RIPOR3: variants seen among roughly 807,000 people sequenced by gnomAD.
RIPOR3 encodes RIPOR family member 3.
RIPOR3 carries 95 observed loss-of-function variants against 114.3 expected under a neutral mutation model. That is an observed-to-expected ratio of 0.83 (90% CI 0.70 to 0.99). RIPOR3 has a LOEUF of 0.99. RIPOR3 is among the 50% of genes least tolerant of loss of function. The probability of loss-of-function intolerance (pLI) is 0.00; values close to 1 mark genes in which losing one functional copy is unlikely to be tolerated. For missense variants in RIPOR3, 1,252 were observed against 1,266.9 expected (o/e 0.99, Z 0.18); for synonymous variants, 575 against 543.8 (o/e 1.06, Z -0.80).
Position 50,691,195 on chromosome 20 carries a change from G to A in RIPOR3, c.-67C>T, listed in dbSNP as rs576359080. On this transcript the variant is annotated 5_prime_UTR_variant, in exon 1 of 22. An upstream open reading frame in the 5' UTR gains an earlier in-frame stop. Coordinates refer to ENST00000327979, the MANE Select transcript of RIPOR3 (RefSeq NM_001290268.2). ...TTGCAGCTGCCTCACTTTCCCTATT[G>A]CCGCCAGCAAGCGTCTGCTCCCATC... The A allele has an allele frequency of 7.8e-6, 10 of 1,289,272 alleles. No individual in the cohort carries two copies. The East Asian group carries it at 5.5e-4, about 72-fold the overall frequency. The allele number at this position is 1,289,272 out of a possible 1,614,324, so 79.9% of individuals were successfully genotyped here. A position where few individuals can be genotyped will look rare whatever the true frequency, so the allele number is the denominator to read the frequency against.
chr20:50,690,088 A>G (rs2087157266), intron 1 of RIPOR3, among the ~76,000 whole-genome samples: 1 of 152,174 alleles, frequency 6.6e-6, no homozygotes, highest in African/African-American at 2.4e-5. Flanking sequence ...AGGGATATAT[A>G]TGCAAATAGC....
chr20:50,666,609 G>A (rs921048773), intron 1 of RIPOR3, among the ~76,000 whole-genome samples: 1 of 151,358 alleles, frequency 6.6e-6, no homozygotes, highest in Non-Finnish European at 1.5e-5. Flanking sequence ...CTGTTGCCTA[G>A]GCTGGAGTGC....
rs2083342534 is a variant in RIPOR3, at chr20:50,597,653, C to T, written c.1717G>A (p.Glu573Lys). 1 of 1,612,232 alleles carries T rather than the reference C, an allele frequency of 6.2e-7. No homozygotes were observed. The highest frequency in any genetic ancestry group is 8.5e-7 in the Non-Finnish European group (1 of 1,179,202). ...TCGGCATTGAGGAAGGCGAAGCTCT[C>T]CAGGATGCACTCCATCAGGCTCTCG... ...SAESLMECIL[E>K]SFAFLNADFA... is the part of the protein sequence containing the mutation. Residue 573 changes from glutamate (E) to lysine (K), a missense_variant, in exon 14 of 22, where the codon GAG becomes AAG. Glu to Lys is a moderately conservative substitution (Grantham distance 56). Transcript: ENST00000327979.
At chr20:50,673,795 G>A (rs1488541863) in intron 1 of RIPOR3, among the ~76,000 whole-genome samples, 2 of 152,212 alleles carry the variant, frequency 1.3e-5, no homozygotes, top group Non-Finnish European at 2.9e-5. Context: ...CCTTCGCCAG[G>A]CCCGGCCTGG....
At chr20:50,689,522 T>C (rs2087137745) in intron 1 of RIPOR3, among the ~76,000 whole-genome samples, 1 of 152,168 alleles carries the variant, frequency 6.6e-6, no homozygotes, top group Admixed American at 6.6e-5. Flanking sequence ...TCTCAGACGC[T>C]TAAGTTCTCA....
intron 2 of RIPOR3, among the ~76,000 whole-genome samples, chr20:50,626,852 T>C (rs2123217523): frequency 6.6e-6 from 1 of 151,882 alleles, no homozygotes; most frequent in South Asian, 2.1e-4. Flanking sequence ...TGAAACCCTG[T>C]CTCTACTAAA....
In RIPOR3 at chr20:50,634,839, C is replaced by T. The variant is rs568622799; in HGVS notation, c.4-3983G>A. On this transcript the variant is annotated intron_variant, in intron 1 of 21. Coordinates refer to ENST00000327979, the MANE Select transcript of RIPOR3 (RefSeq NM_001290268.2). ...CCTGAGGTCAAGAATTCAAGATCAGCCTGGACAACATGGTGAAACCCTGTC... is the reference window on the plus strand; with the variant it reads ...CCTGAGGTCAAGAATTCAAGATCAGTCTGGACAACATGGTGAAACCCTGTC... Among the ~76,000 whole-genome samples the T allele has an allele frequency of 2.4e-4, 36 of 152,310 alleles. No individual in the cohort carries two copies. The East Asian group carries it at 6.9e-3, about 29-fold the overall frequency.
chr20:50,665,148 T>C (rs1319385771), intron 1 of RIPOR3, among the ~76,000 whole-genome samples: 2 of 150,650 alleles, frequency 1.3e-5, no homozygotes, highest in African/African-American at 2.4e-5. Flanking sequence ...AAAAACCCCA[T>C]GGTGCTGGCC....
chr20:50,651,391 G>A (rs547677550), intron 1 of RIPOR3, among the ~76,000 whole-genome samples: 1 of 152,280 alleles, frequency 6.6e-6, no homozygotes, highest in East Asian at 1.9e-4. Context: ...GCCAGACTCT[G>A]GACCAACACA....
intron 4 of RIPOR3, among the ~76,000 whole-genome samples, chr20:50,613,439 C>T (rs961482897): frequency 1.3e-5 from 2 of 151,240 alleles, no homozygotes; most frequent in African/African-American, 2.4e-5. Context: ...GGTGACAGAG[C>T]GAGAATCCAT....
At position 50,592,500 on chromosome 20, in the gene RIPOR3, G is replaced by T; in HGVS notation, c.2421C>A (p.Val807=). 6.2e-7 allele frequency: 1 copy of T among 1,610,480 alleles called. No homozygotes were observed. Among genetic ancestry groups the T allele is most frequent in the Non-Finnish European group, 8.5e-7 (1 of 1,178,548 alleles). ...CCAGCCGCTTCCCCTGCAGCTTCCG[G>T]ACCACCTTGGCCTGTCCCGCACAGT... ...ELHCAGQAKV[V]RKLQGKRLGQ... The change falls in exon 19 of 22, where the codon GTC becomes GTA. Residue 807 remains valine, a synonymous_variant. Transcript: ENST00000327979.
chr20:50,645,998 T>C (rs544094960), intron 1 of RIPOR3: 1 of 152,338 alleles, frequency 6.6e-6, no homozygotes, highest in African/African-American at 2.4e-5. Context: ...AGGGAGACTG[T>C]TCCAGGCACT....
intron 19 of RIPOR3, among the ~76,000 whole-genome samples, chr20:50,591,046 A>G (rs1346193742): frequency 6.6e-6 from 1 of 152,196 alleles, no homozygotes; most frequent in Non-Finnish European, 1.5e-5. Flanking sequence ...ACTTCCTGCA[A>G]GCAGCAAAGT....
chr20:50,666,226 T>TCTCTTCTCCTCTCTTC (rs1555873214), intron 1 of RIPOR3, among the ~76,000 whole-genome samples: 1 of 139,742 alleles, frequency 7.2e-6, no homozygotes. Flanking sequence ...TCTTTTCTTT[T>TCTCTTCTCCTCTCTTC]TTGAGACGGA....
In RIPOR3 at chr20:50,594,488, G is replaced by A. The variant is rs561579115; in HGVS notation, c.2212+65C>T. The A allele has an allele frequency of 1.9e-6, 3 of 1,554,074 alleles. No individual in the cohort carries two copies. The South Asian group carries it at 3.6e-5, about 19-fold the overall frequency. On this transcript the variant is annotated intron_variant, in intron 17 of 21. Transcript: ENST00000327979. ...AAATGAGGCCAGCTGTGGCCACCCT[G>A]AAGGCCCTGGAGACTCAATACAGCC...
intron 4 of RIPOR3, 32 bp downstream of exon 4, chr20:50,615,970 C>G (rs2084157754): frequency 2.5e-6 from 4 of 1,585,368 alleles, no homozygotes; most frequent in Admixed American, 1.8e-5. Flanking sequence ...CCAAGGCTAT[C>G]TGGGTGGGAA....
chr20:50,602,909 T>C lies in RIPOR3; in HGVS notation c.1087-265A>G, dbSNP rs891705285. Among the ~76,000 whole-genome samples, 1 of 152,186 alleles carries C rather than the reference T, an allele frequency of 6.6e-6. No homozygotes were observed. The highest frequency in any genetic ancestry group is 2.4e-5 in the African/African-American group (1 of 41,466). ...CATGCCCTGTGGGCTGGGCCCCACG[T>C]TCCTGCCTCAGGGCCTTTGCACTGA... On this transcript the variant is annotated intron_variant, in intron 12 of 21. Transcript: ENST00000327979. This position sits in a 1 kb window ranked among gnomAD's most constrained non-coding sequence, Gnocchi z 4.3.
At chr20:50,674,961 T>A (rs375778615) in intron 1 of RIPOR3, among the ~76,000 whole-genome samples, 2 of 151,898 alleles carry the variant, frequency 1.3e-5, no homozygotes, top group Non-Finnish European at 2.9e-5. Flanking sequence ...ACTTAAAAAA[T>A]TTAAAAATTA....
chr20:50,606,438 T>A (rs1395703549), intron 11 of RIPOR3, among the ~76,000 whole-genome samples: 3 of 152,116 alleles, frequency 2.0e-5, no homozygotes, highest in Non-Finnish European at 4.4e-5. Flanking sequence ...CTCCCCACAC[T>A]GAGTAGTAAA....
Sources: allele counts gnomAD v4.1 joint callset (sites outside exome capture counted in the v4.1 genomes callset), GRCh38; gene constraint gnomAD v4.1.1; non-coding constraint Gnocchi (gnomAD v3.1); transcripts MANE v1.5; gene names NCBI Gene and HGNC (gene_info 2026-07-23, HGNC 2026-07-21).